PASD1: variants seen among roughly 807,000 people sequenced by gnomAD.
The protein encoded by PASD1 is circadian clock protein PASD1.
Under a neutral mutation model 58.8 loss-of-function variants are expected in PASD1, and 13 were observed. The ratio of observed to expected loss-of-function variants is 0.22; its 90% CI spans 0.14 to 0.35. The LOEUF is 0.35. PASD1 is among the 10% of genes least tolerant of loss of function. The pLI is 1.00. For missense variants in PASD1, 734 were observed against 568.3 expected (o/e 1.29, Z -2.96); for synonymous variants, 236 against 216.7 (o/e 1.09, Z -0.78).
intron 11 of PASD1, among the ~76,000 whole-genome samples, chrX:151,669,060 T>C (rs1178274484): frequency 1.8e-5 from 2 of 108,979 alleles, no homozygotes; most frequent in East Asian, 5.7e-4. Context: ...TTTTTATTAC[T>C]GTTTTTTAAA....
chrX:151,608,307 A>C (rs952907721), intron 3 of PASD1, among the ~76,000 whole-genome samples: 1 of 111,896 alleles, frequency 8.9e-6, no homozygotes, highest in African/African-American at 3.2e-5. Context: ...TCTTTTCACC[A>C]ATTTTGAGGC....
At chrX:151,675,425 G>A (rs969341335) in intron 15 of PASD1, among the ~76,000 whole-genome samples, 4 of 111,993 alleles carry the variant, frequency 3.6e-5, no homozygotes, top group Non-Finnish European at 5.6e-5. Flanking sequence ...TTTGCTCCCT[G>A]TGTCTTCTCC....
chrX:151,632,871 CAAATAAAAAAAAAAAGAAAT>C (rs1191324325), intron 8 of PASD1, among the ~76,000 whole-genome samples: 5 of 104,591 alleles, frequency 4.8e-5, no homozygotes, highest in South Asian at 4.1e-4. Flanking sequence ...GTGTGAGGCT[CAAATAAAAAAAAAAAGAAAT>C]AAGATCTATA....
intron 3 of PASD1, among the ~76,000 whole-genome samples, chrX:151,605,385 C>T (rs1026772016): frequency 6.3e-5 from 7 of 111,230 alleles, no homozygotes; most frequent in Non-Finnish European, 1.3e-4. Context: ...CAATATTAGA[C>T]GCCTGGAAAT....
chrX:151,631,416 A>G (rs989021787), intron 8 of PASD1, among the ~76,000 whole-genome samples: 18 of 111,955 alleles, frequency 1.6e-4, no homozygotes, highest in African/African-American at 5.8e-4. Context: ...TTTGGAAAGT[A>G]TGTGACCAGG....
At chrX:151,648,438 T>C (rs949330277) in intron 8 of PASD1, among the ~76,000 whole-genome samples, 177 bp from the exon 9 acceptor site, 12 of 111,331 alleles carry the variant, frequency 1.1e-4, no homozygotes, top group Admixed American at 3.8e-4. Flanking sequence ...TTTTTTTTTT[T>C]GTAGATGTGT....
In PASD1 at chrX:151,634,494, CT is replaced by C. The variant is rs905880854; in HGVS notation, c.629+8973del. On this transcript the variant is annotated intron_variant, in intron 8 of 15. Coordinates refer to ENST00000370357, the MANE Select transcript of PASD1 (RefSeq NM_173493.3). The stretch of plus-strand genomic sequence containing the variant: ...AAATTTTGTCAGTTATCTTTTGTAG[CT>C]TTTTTTTTGGTATAGGATCCAATTT... Among the ~76,000 whole-genome samples, 898 of 109,074 alleles carry C rather than the reference CT, an allele frequency of 8.2e-3. 7 individuals carry two copies. The highest frequency in any genetic ancestry group is 0.028 in the African/African-American group (859 of 30,164). The allele number at this position is 109,074 out of a possible 115,157, so 94.7% of individuals were successfully genotyped here.
intron 1 of PASD1, among the ~76,000 whole-genome samples, chrX:151,594,364 GTCT>G (rs1198254186): frequency 8.9e-6 from 1 of 111,890 alleles, no homozygotes; most frequent in African/African-American, 3.2e-5. Context: ...TGTTTCCATT[GTCT>G]TCTTTTTTCT....
At chrX:151,567,051 A>C (rs960194439) in intron 1 of PASD1, among the ~76,000 whole-genome samples, 1 of 80,863 alleles carries the variant, frequency 1.2e-5, no homozygotes, top group Admixed American at 1.2e-4. Flanking sequence ...TCTCAAAATA[A>C]ATAAATAAAT....
chrX:151,674,146 A>G lies in PASD1; in HGVS notation c.2135A>G (p.Asp712Gly). 8.3e-7 allele frequency: 1 copy of G among 1,211,996 alleles called. No homozygotes were observed. Among genetic ancestry groups the G allele is most frequent in the Non-Finnish European group, 1.1e-6 (1 of 895,562 alleles). Residue 712 changes from aspartate to glycine, a missense_variant, in exon 15 of 16, where the codon GAT (aspartate) becomes GGT (glycine). Physicochemically the swap from Asp to Gly is moderately conservative, Grantham distance 94. Transcript: ENST00000370357. Reference sequence around the variant, plus strand: ...GTCCAAGTGAACACTTGGTCTTGCGATGAGCAGGGCACCCTGCACGGCCAA... The same window carrying G: ...GTCCAAGTGAACACTTGGTCTTGCGGTGAGCAGGGCACCCTGCACGGCCAA... ...PVVQVNTWSC[D>G]EQGTLHGQPT...
rs762931266 is a variant in PASD1, at chrX:151,676,356, C to T, written c.*213C>T. 5.0e-5 allele frequency: 19 copies of T among 377,302 alleles called. No homozygotes were observed. Among genetic ancestry groups the T allele is most frequent in the Non-Finnish European group, 7.1e-5 (16 of 226,360 alleles). 31.1% of individuals were successfully genotyped at this position (377,302 alleles called of 1,213,427 possible). ...TATGCTGTAGAGGCAGCCTGTGATCCGTAGTATGCTAGGGTGTGACAGCAG... is the reference window on the plus strand; with the variant it reads ...TATGCTGTAGAGGCAGCCTGTGATCTGTAGTATGCTAGGGTGTGACAGCAG... On this transcript the variant is annotated 3_prime_UTR_variant, in exon 16 of 16. Coordinates refer to ENST00000370357, the MANE Select transcript of PASD1 (RefSeq NM_173493.3).
chrX:151,613,617 G>T (rs965722591), intron 4 of PASD1, among the ~76,000 whole-genome samples: 1 of 111,515 alleles, frequency 9.0e-6, no homozygotes, highest in Non-Finnish European at 1.9e-5. Context: ...TGGCTCTCTT[G>T]TTTGTCTGAT....
At chrX:151,563,986 A>T (rs1870291702) in intron 1 of PASD1, 147 bp downstream of exon 1, 2 of 112,502 alleles carry the variant, frequency 1.8e-5, no homozygotes, top group African/African-American at 3.2e-5. Flanking sequence ...TTTCCTGGTC[A>T]TCCTGGGAAG....
chrX:151,653,782 CTTTCTTTCTTTCTTTCT>C (rs2014176876), intron 9 of PASD1, among the ~76,000 whole-genome samples: 2 of 15,727 alleles, frequency 1.3e-4, no homozygotes, highest in African/African-American at 1.7e-4. Flanking sequence ...TTCTTTCTTT[CTTTCTTTCTTTCTTTCT>C]TTCCTTCCTT....
At chrX:151,629,492 G>A (rs1047033651) in intron 8 of PASD1, among the ~76,000 whole-genome samples, 64 of 111,930 alleles carry the variant, frequency 5.7e-4, no homozygotes, top group African/African-American at 1.8e-3. Context: ...GCACGACCAA[G>A]CTTAAGACTT....
chrX:151,574,075 C>T (rs188674912), intron 1 of PASD1, among the ~76,000 whole-genome samples: 2,020 of 112,371 alleles, frequency 0.018, 55 homozygotes, highest in African/African-American at 0.062. Flanking sequence ...CACATGACTA[C>T]TTTTGCTTGC....
chrX:151,673,847 C>T, intron 14 of PASD1, 81 bp from the exon 15 acceptor site: 1 of 1,122,251 alleles, frequency 8.9e-7, no homozygotes, highest in Non-Finnish European at 1.2e-6. Context: ...GTGCCTGAAG[C>T]ACCTACTGAT....
chrX:151,566,916 G>A (rs111496697), intron 1 of PASD1, among the ~76,000 whole-genome samples: 2,194 of 109,110 alleles, frequency 0.02, 27 homozygotes, highest in African/African-American at 0.046. Context: ...AGCCCGGTGC[G>A]TGCCTGTAAT....
At chrX:151,602,149 C>G (rs1314461306) in intron 2 of PASD1, among the ~76,000 whole-genome samples, 1 of 111,646 alleles carries the variant, frequency 9.0e-6, no homozygotes, top group African/African-American at 3.3e-5. Flanking sequence ...AAAATCTACT[C>G]TCTTAGCAAT....
Sources: allele counts gnomAD v4.1 joint callset (sites outside exome capture counted in the v4.1 genomes callset), GRCh38; gene constraint gnomAD v4.1.1; transcripts MANE v1.5; gene names NCBI Gene and HGNC (gene_info 2026-07-23, HGNC 2026-07-21).